Variants in DOK7 observed in about 807,000 individuals in gnomAD.
DOK7 encodes protein Dok-7.
Under a neutral mutation model 30.7 loss-of-function variants are expected in DOK7, and 32 were observed. That is an observed-to-expected ratio of 1.04 (90% CI 0.79 to 1.40). DOK7 has a LOEUF of 1.40. Among genes scored for constraint, DOK7 ranks in the 40% most tolerant of loss-of-function variants. The pLI, the probability that DOK7 is intolerant of heterozygous loss-of-function variation, is 0.00. For missense variants in DOK7, 1,007 were observed against 699.2 expected, an observed-to-expected ratio of 1.44 and a Z score of -4.97; for synonymous variants, 447 against 324.1, an observed-to-expected ratio of 1.38 and a Z score of -4.07.
chr4:3,467,040 C>T (rs952940104), intron 2 of DOK7, among the ~76,000 whole-genome samples: 1 of 152,322 alleles, frequency 6.6e-6, no homozygotes, highest in African/African-American at 2.4e-5. Flanking sequence ...CTTCTGGGGG[C>T]GGCTCCAGGC....
intron 4 of DOK7, among the ~76,000 whole-genome samples, chr4:3,479,169 G>A (rs73793935): frequency 0.011 from 1,733 of 152,338 alleles, 34 homozygotes; most frequent in African/African-American, 0.039. Context: ...GCCCCTTCCA[G>A]CCGCTGGTGG....
chr4:3,478,591 C>CCT (rs751623601), intron 4 of DOK7, among the ~76,000 whole-genome samples: 14,690 of 101,516 alleles, frequency 0.14, 974 homozygotes, highest in East Asian at 0.21. Context: ...AACCCGCAAA[C>CCT]GGGGGCTGGC....
Position 3,490,573 on chromosome 4 carries a change from TTC to T in DOK7, c.772+785_772+786del, listed in dbSNP as rs541069961. 9.8e-4 allele frequency among the ~76,000 whole-genome samples: 112 copies of T among 114,072 alleles called. 2 individuals are homozygous for T. The highest frequency in any genetic ancestry group is 2.8e-3 in the African/African-American group (81 of 28,608). 74.8% of individuals were successfully genotyped at this position (114,072 alleles called of 152,430 possible). A position where few individuals can be genotyped will look rare whatever the true frequency, so the allele number is the denominator to read the frequency against. ...CTCCCCCTGCTCATTCGTTTTTTCC[TTC>T]TCTCTCTGCTCATTCCTTCATTTCT... On this transcript the variant is annotated intron_variant, in intron 6 of 6. Transcript: ENST00000340083.
chr4:3,492,650 T>G, intron 6 of DOK7, 109 bp from the exon 7 acceptor site: 2 of 1,486,094 alleles, frequency 1.3e-6, no homozygotes, highest in East Asian at 2.4e-5. Flanking sequence ...CTGGAAGGGG[T>G]GGGGCGAGAC....
chr4:3,493,736 CA>C lies in DOK7; in HGVS notation c.*236del. 3 of 1,422,260 alleles carry C rather than the reference CA, an allele frequency of 2.1e-6. No individual in the cohort carries two copies. The highest frequency in any genetic ancestry group is 3.1e-5 in the South Asian group (2 of 65,324). The allele number at this position is 1,422,260 out of a possible 1,614,324, so 88.1% of individuals were successfully genotyped here. On this transcript the variant is annotated 3_prime_UTR_variant, in exon 7 of 7. Transcript: ENST00000340083. ...TCTGGGTCCGGCAGGTCGGGGTCACCAGAGCCCCAATGCTCAGCTGCTTCAC... is the reference window on the plus strand; with the variant it reads ...TCTGGGTCCGGCAGGTCGGGGTCACCGAGCCCCAATGCTCAGCTGCTTCAC...
intron 3 of DOK7, among the ~76,000 whole-genome samples, chr4:3,474,081 C>A (rs187520247): frequency 1.5e-4 from 23 of 152,102 alleles, no homozygotes; most frequent in African/African-American, 5.6e-4. Flanking sequence ...GAAGGGAGTG[C>A]TCCCCTGTGG....
In DOK7 at chr4:3,468,529, A is replaced by C. The variant is rs1480703217; in HGVS notation, c.101-4877A>C. On this transcript the variant is annotated intron_variant, in intron 2 of 6. Transcript: ENST00000340083. ...GTGTGTGCGTGTATGAGTGTGTGTGACTGTGAGTGTATGTGTGTGTGCCTG... is the reference window on the plus strand; with the variant it reads ...GTGTGTGCGTGTATGAGTGTGTGTGCCTGTGAGTGTATGTGTGTGTGCCTG... 2.1e-3 allele frequency among the ~76,000 whole-genome samples: 268 copies of C among 124,676 alleles called. 1 individual carries two copies. Among genetic ancestry groups the C allele is most frequent in the African/African-American group, 8.6e-3 (255 of 29,748 alleles). The allele number at this position is 124,676 out of a possible 152,430, so 81.8% of individuals were successfully genotyped here. A position where few individuals can be genotyped will look rare whatever the true frequency, so the allele number is the denominator to read the frequency against.
At position 3,493,082 on chromosome 4, in the gene DOK7, A is replaced by G. The variant is rs556239795; in HGVS notation, c.1096A>G (p.Thr366Ala). Residue 366 changes from threonine (T) to alanine (A), a missense_variant, in exon 7 of 7, where the codon ACA becomes GCA. Physicochemically the swap from Thr to Ala is moderately conservative, Grantham distance 58. Transcript: ENST00000340083. ...CAGCAGCCTGGACGTGTGGCGGGCC[A>G]CAGATGAACTGGGCTCACTGCTCAG... ...AGSSLDVWRA[T>A]DELGSLLSLP... 108 of 1,577,268 alleles carry G rather than the reference A, an allele frequency of 6.8e-5. No individual in the cohort carries two copies. In the East Asian group the frequency reaches 2.5e-3, roughly 36 times the overall value.
chr4:3,479,754 TG>T (rs947421569), intron 4 of DOK7, among the ~76,000 whole-genome samples: 2 of 151,864 alleles, frequency 1.3e-5, no homozygotes, highest in South Asian at 2.1e-4. Context: ...TCTTGGTGCC[TG>T]GGGGGCAGAG....
chr4:3,470,888 A>G (rs569760832), intron 2 of DOK7, among the ~76,000 whole-genome samples: 5 of 152,296 alleles, frequency 3.3e-5, no homozygotes, highest in East Asian at 1.9e-4. Flanking sequence ...GTTGGGGGCA[A>G]TGGAAGGAAC....
chr4:3,493,811 G>A lies in DOK7; in HGVS notation c.*310G>A. The A allele has an allele frequency of 7.8e-7, 1 of 1,283,370 alleles. No homozygotes were observed. The highest frequency in any genetic ancestry group is 9.9e-7 in the Non-Finnish European group (1 of 1,014,998). The allele number at this position is 1,283,370 out of a possible 1,614,324, so 79.5% of individuals were successfully genotyped here. On this transcript the variant is annotated 3_prime_UTR_variant, in exon 7 of 7. Transcript: ENST00000340083. ...TCAGGTGAGTGCTGCACCTCTGTTGGCTCGTGCCTTGCACTGGGGTGCCAA... is the reference window on the plus strand; with the variant it reads ...TCAGGTGAGTGCTGCACCTCTGTTGACTCGTGCCTTGCACTGGGGTGCCAA...
In DOK7 at chr4:3,485,616, TC is replaced by T; in HGVS notation, c.615del (p.Thr206ProfsTer40). ...GTTCGACTGCATCGTCCGAGGCATC[TC>T]CCCCACCAAGGGCCCCTTTGGGCTG... The part of the protein sequence containing the change: ...FLFDCIVRGI[S>X]PTKGPFGLRP... On this transcript the variant is annotated frameshift_variant, in exon 5 of 7. Transcript: ENST00000340083. LOFTEE classifies it high-confidence loss of function. 1 of 1,606,338 alleles carries T rather than the reference TC, an allele frequency of 6.2e-7. No individual in the cohort carries two copies. The highest frequency in any genetic ancestry group is 8.5e-7 in the Non-Finnish European group (1 of 1,176,236).
intron 2 of DOK7, among the ~76,000 whole-genome samples, chr4:3,466,561 G>A (rs73079098): frequency 0.022 from 3,402 of 152,272 alleles, 141 homozygotes; most frequent in African/African-American, 0.077. Context: ...GCTGAAGACC[G>A]GGCGTGGGTG....
chr4:3,500,802 C>A, exon 8 of DOK7: 1 of 1,533,128 alleles, frequency 6.5e-7, no homozygotes, highest in East Asian at 2.4e-5. Context: ...GGAGCTGGAG[C>A]AGAGGAAGGC....
Position 3,500,759 on chromosome 4 carries a change from G to A in DOK7, c.1329G>A (p.Val443=), listed in dbSNP as rs1266773523. The change falls in exon 8 of 8, where the codon GTG becomes GTA. Residue 443 remains valine, a synonymous_variant. Transcript: ENST00000643608. ...CCGAGACGGCGCACAGAGTGGGGGTGCGGCACGCACGGGCCCGGGAGGAGC... is the reference window on the plus strand; with the variant it reads ...CCGAGACGGCGCACAGAGTGGGGGTACGGCACGCACGGGCCCGGGAGGAGC... 5.2e-6 allele frequency: 8 copies of A among 1,535,030 alleles called. No homozygotes were observed. In the South Asian group the frequency reaches 8.3e-5, roughly 16 times the overall value.
chr4:3,493,024 C>A lies in DOK7; in HGVS notation c.1038C>A (p.Ser346=). 6.4e-7 allele frequency: 1 copy of A among 1,569,868 alleles called. No individual in the cohort carries two copies. Among genetic ancestry groups the A allele is most frequent in the Non-Finnish European group, 8.6e-7 (1 of 1,162,624 alleles). ...SDSGIATGSH[S]SYSSSLSSYA... is the part of the protein sequence containing the mutation. Reference sequence around the variant, plus strand: ...GCGGCATCGCCACTGGCAGCCACTCCTCTTACTCCAGCAGCCTCTCGTCCT... The same window carrying A: ...GCGGCATCGCCACTGGCAGCCACTCATCTTACTCCAGCAGCCTCTCGTCCT... Residue 346 remains serine, a synonymous_variant, in exon 7 of 7, where the codon TCC becomes TCA. Transcript: ENST00000340083.
chr4:3,498,127 C>A (rs566605209), downstream of DOK7, among the ~76,000 whole-genome samples: 1 of 152,088 alleles, frequency 6.6e-6, no homozygotes, highest in Non-Finnish European at 1.5e-5. Flanking sequence ...CAGCCCAGGG[C>A]GGGGTCTGGG....
intron 4 of DOK7, among the ~76,000 whole-genome samples, chr4:3,481,310 A>C (rs10937929): frequency 6.6e-6 from 1 of 151,854 alleles, no homozygotes; most frequent in Non-Finnish European, 1.5e-5. Flanking sequence ...GAAGGTTCTG[A>C]TTGAGGTCCA....
chr4:3,494,425 C>CTGTT lies in DOK7; in HGVS notation c.*926_*929dup, dbSNP rs1417824676. ...CACCTCTTTGTCCCTTCACTGTCAG[C>CTGTT]TGTTTCTAAACCCAGACACTGTTTG... On this transcript the variant is annotated 3_prime_UTR_variant, in exon 7 of 7. Transcript: ENST00000340083. 7 of 985,538 alleles carry CTGTT rather than the reference C, an allele frequency of 7.1e-6. No individual in the cohort carries two copies. Among genetic ancestry groups the CTGTT allele is most frequent in the South Asian group, 4.7e-5 (1 of 21,300 alleles). 61.0% of individuals were successfully genotyped at this position (985,538 alleles called of 1,614,324 possible).
Sources: gnomAD v4.1 joint callset for allele counts (sites outside exome capture counted in the v4.1 genomes callset) on GRCh38, gnomAD v4.1.1 for gene constraint, MANE v1.5 for transcripts, NCBI Gene and HGNC (gene_info 2026-07-23, HGNC 2026-07-21) for gene names.